The following ZC3H18 variants were observed in gnomAD, a reference collection of about 807,000 sequenced individuals.
ZC3H18 encodes zinc finger CCCH-type containing 18.
ZC3H18 carries 8 observed loss-of-function variants against 106.1 expected under a neutral mutation model. The ratio of observed to expected loss-of-function variants is 0.08; its 90% CI spans 0.04 to 0.14. The LOEUF (loss-of-function observed/expected upper bound fraction) is 0.14, where lower values mean the gene tolerates loss of function less well. ZC3H18 is among the 10% of genes least tolerant of loss of function. ZC3H18 has a pLI of 1.00. For synonymous variants in ZC3H18, 635 were observed against 522.1 expected, an observed-to-expected ratio of 1.22 and a Z score of -2.95; for missense variants, 1,318 against 1,278.4, an observed-to-expected ratio of 1.03 and a Z score of -0.47.
chr16:88,574,251 C>T (rs1449278049), intron 1 of ZC3H18, among the ~76,000 whole-genome samples: 3 of 151,994 alleles, frequency 2.0e-5, no homozygotes, highest in African/African-American at 4.8e-5. Context: ...TAGCCACCAC[C>T]TAGGCTGGAG....
chr16:88,580,741 A>C (rs1041933336), intron 2 of ZC3H18, among the ~76,000 whole-genome samples: 1 of 152,168 alleles, frequency 6.6e-6, no homozygotes, highest in Non-Finnish European at 1.5e-5. Flanking sequence ...GTCCGTGAGC[A>C]GTCAGCTTCC....
At chr16:88,600,448 T>G (rs1904689859) in intron 6 of ZC3H18, among the ~76,000 whole-genome samples, 1 of 152,230 alleles carries the variant, frequency 6.6e-6, no homozygotes, top group Non-Finnish European at 1.5e-5. Flanking sequence ...AGTCTTGCTC[T>G]GTCGCCCAAG....
At chr16:88,618,712 T>TG (rs1388215607) in intron 8 of ZC3H18, among the ~76,000 whole-genome samples, 1 of 152,158 alleles carries the variant, frequency 6.6e-6, no homozygotes, top group Non-Finnish European at 1.5e-5. Context: ...CAACGGGGAA[T>TG]GGGGGCCAGA....
At position 88,631,746 on chromosome 16, in the gene ZC3H18, A is replaced by AC. The variant is rs1567603357; in HGVS notation, c.*450dup. ...TCCTTCTCCTCCCCCGCCCCTGATC[A>AC]CCCGCCCCCGGATCAGAAATATATC... On this transcript the variant is annotated 3_prime_UTR_variant, in exon 18 of 18. Transcript: ENST00000301011. The AC allele has an allele frequency of 2.7e-6, 1 of 373,502 alleles. No homozygotes were observed. Among genetic ancestry groups the AC allele is most frequent in the Non-Finnish European group, 5.3e-6 (1 of 189,006 alleles). The allele number at this position is 373,502 out of a possible 1,614,324, so 23.1% of individuals were successfully genotyped here.
At chr16:88,622,609 C>A (rs1462453481) in intron 9 of ZC3H18, 1 of 547,138 alleles carries the variant, frequency 1.8e-6, no homozygotes, top group Non-Finnish European at 3.2e-6. Context: ...GGGGCACAGA[C>A]CCCGGCGACT....
chr16:88,586,082 G>A (rs1915414967), intron 2 of ZC3H18, among the ~76,000 whole-genome samples: 1 of 152,114 alleles, frequency 6.6e-6, no homozygotes, highest in Non-Finnish European at 1.5e-5. Flanking sequence ...TAGAGCTCCT[G>A]GGTTGTTCTA....
chr16:88,614,167 C>T (rs536120550), intron 8 of ZC3H18, among the ~76,000 whole-genome samples: 1 of 152,246 alleles, frequency 6.6e-6, no homozygotes, highest in Non-Finnish European at 1.5e-5. Context: ...TGGGCCTACA[C>T]CTTCCAGTAA....
At chr16:88,614,136 G>A (rs1905433285) in intron 8 of ZC3H18, among the ~76,000 whole-genome samples, 2 of 152,300 alleles carry the variant, frequency 1.3e-5, no homozygotes, top group South Asian at 4.2e-4. Flanking sequence ...GTTTGACTTG[G>A]CTCTCATAAA....
At position 88,603,623 on chromosome 16, in the gene ZC3H18, CTT is replaced by C. The variant is rs59222261; in HGVS notation, c.1088+3691_1088+3692del. Among the ~76,000 whole-genome samples, 97 of 132,570 alleles carry C rather than the reference CTT, an allele frequency of 7.3e-4. 6 individuals are homozygous for C. The highest frequency in any genetic ancestry group is 8.3e-4 in the Admixed American group (11 of 13,304). The allele number at this position is 132,570 out of a possible 152,430, so 87.0% of individuals were successfully genotyped here. On this transcript the variant is annotated intron_variant, in intron 6 of 17. Transcript: ENST00000301011. ...TGGGCAACAGAGCGAGACTCCGTCTCTTTTTTTTTTTTTTTTTGAGACGGAGT... is the reference window on the plus strand; with the variant it reads ...TGGGCAACAGAGCGAGACTCCGTCTCTTTTTTTTTTTTTTTGAGACGGAGT...
chr16:88,592,294 G>C (rs1915802210), intron 3 of ZC3H18, among the ~76,000 whole-genome samples: 1 of 151,948 alleles, frequency 6.6e-6, no homozygotes, highest in Non-Finnish European at 1.5e-5. Context: ...TTTTTCATGT[G>C]CTTAATAGGT....
intron 3 of ZC3H18, among the ~76,000 whole-genome samples, chr16:88,591,347 TGGATCACTCAAGGTTA>T (rs1184667114): frequency 1.3e-5 from 2 of 152,010 alleles, no homozygotes; most frequent in Non-Finnish European, 2.9e-5. Context: ...CCGAGGTGGG[TGGATCACTCAAGGTTA>T]GGAGTTCGAG....
At position 88,586,359 on chromosome 16, in the gene ZC3H18, G is replaced by A. The variant is rs1019985836; in HGVS notation, c.604-241G>A. On this transcript the variant is annotated intron_variant, in intron 2 of 17. Coordinates refer to ENST00000301011, the MANE Select transcript of ZC3H18 (RefSeq NM_144604.4). ...GTCACGAAAGCCCACTCTGTAAATT[G>A]CCCTGTGTGCTGCACAGTGCTTCTC... Among the ~76,000 whole-genome samples the A allele has an allele frequency of 2.0e-5, 3 of 152,208 alleles. No homozygotes were observed. The East Asian group carries it at 5.8e-4, about 29-fold the overall frequency.
intron 2 of ZC3H18, among the ~76,000 whole-genome samples, chr16:88,583,336 T>C (rs1440148513): frequency 6.6e-6 from 1 of 152,262 alleles, no homozygotes; most frequent in African/African-American, 2.4e-5. Context: ...GTGAGGCGTT[T>C]CCTTTGAAAT....
chr16:88,616,330 C>T (rs1402305273), intron 8 of ZC3H18, among the ~76,000 whole-genome samples: 4 of 152,380 alleles, frequency 2.6e-5, no homozygotes, highest in African/African-American at 4.8e-5. Context: ...TTCCCTTCTG[C>T]GAGGCTCACG....
rs140611672 is a variant in ZC3H18 at position 88,596,913 on chromosome 16, A to T, written c.689-1265A>T. Among the ~76,000 whole-genome samples the T allele has an allele frequency of 9.4e-3, 1,423 of 151,882 alleles. 27 individuals are homozygous for T. Among genetic ancestry groups the T allele is most frequent in the African/African-American group, 0.032 (1,339 of 41,418 alleles). ...ACCCCCTATAGAATAACATTTCCCA[A>T]CCTCTTTTGTTTTTTGTTGTTGTTT... On this transcript the variant is annotated intron_variant, in intron 3 of 17. Coordinates refer to ENST00000301011, the MANE Select transcript of ZC3H18 (RefSeq NM_144604.4).
At chr16:88,585,530 C>T (rs1339930790) in intron 2 of ZC3H18, among the ~76,000 whole-genome samples, 4 of 152,212 alleles carry the variant, frequency 2.6e-5, no homozygotes, top group Admixed American at 6.5e-5. Flanking sequence ...ACCTGCAGGG[C>T]TTGGGGCTGC....
At chr16:88,575,335 G>A (rs1050008572) in intron 1 of ZC3H18, among the ~76,000 whole-genome samples, 3 of 151,968 alleles carry the variant, frequency 2.0e-5, no homozygotes, top group South Asian at 2.1e-4. Context: ...GACTTGCTGC[G>A]TCCGTAGTTA....
chr16:88,606,153 C>T (rs963215188), intron 6 of ZC3H18, among the ~76,000 whole-genome samples: 22 of 152,244 alleles, frequency 1.4e-4, no homozygotes, highest in African/African-American at 4.8e-4. Flanking sequence ...TTCCCTAAAA[C>T]AGTTGGGGAA....
chr16:88,629,665 T>G (rs1906538885), intron 16 of ZC3H18, among the ~76,000 whole-genome samples: 2 of 152,198 alleles, frequency 1.3e-5, no homozygotes, highest in Non-Finnish European at 2.9e-5. Context: ...AGTGTCTATA[T>G]TACTGTTGAA....
Sources: allele counts gnomAD v4.1 joint callset (sites outside exome capture counted in the v4.1 genomes callset), GRCh38; gene constraint gnomAD v4.1.1; transcripts MANE v1.5; gene names NCBI Gene and HGNC (gene_info 2026-07-23, HGNC 2026-07-21).